The following CSMD1 variants were observed in gnomAD, a reference collection of about 807,000 sequenced individuals.
CSMD1 encodes CUB and Sushi multiple domains 1, also known as CUB and sushi domain-containing protein 1.
Under a neutral mutation model 417.5 loss-of-function variants are expected in CSMD1, and 213 were observed. The ratio of observed to expected loss-of-function variants is 0.51; its 90% CI spans 0.46 to 0.57. The LOEUF (loss-of-function observed/expected upper bound fraction) is 0.57. Among genes scored for constraint, CSMD1 ranks in the 20% least tolerant of loss-of-function variants. The pLI, the probability that CSMD1 is intolerant of heterozygous loss-of-function variation, is 0.00. For missense variants in CSMD1, 6,923 were observed against 4,529.7 expected (o/e 1.53, Z -15.17); for synonymous variants, 2,862 against 1,736.8 (o/e 1.65, Z -16.11).
chr8:4,145,657 G>A (rs1177095464), intron 3 of CSMD1, among the ~76,000 whole-genome samples: 2 of 150,840 alleles, frequency 1.3e-5, no homozygotes, highest in Non-Finnish European at 2.9e-5. Context: ...TCAAAGTGCT[G>A]GGATTACAGC....
At chr8:3,621,799 G>C (rs1025883078) in intron 7 of CSMD1, among the ~76,000 whole-genome samples, 2 of 151,624 alleles carry the variant, frequency 1.3e-5, no homozygotes, top group Non-Finnish European at 2.9e-5. Context: ...TGTAGAAACA[G>C]GGTTTCACCA....
chr8:4,241,180 C>T (rs75298485), intron 3 of CSMD1, among the ~76,000 whole-genome samples: 1 of 152,092 alleles, frequency 6.6e-6, no homozygotes, highest in Non-Finnish European at 1.5e-5. Flanking sequence ...AAATCCTGAT[C>T]GTGAACTCTC....
chr8:3,558,325 G>GCCTC (rs1799265195), intron 10 of CSMD1, among the ~76,000 whole-genome samples: 5 of 113,096 alleles, frequency 4.4e-5, no homozygotes, highest in Non-Finnish European at 6.4e-5. Context: ...AATGATGAAT[G>GCCTC]ATGCCTCAGT....
intron 28 of CSMD1, 83 bp downstream of exon 28, chr8:3,223,646 G>A: frequency 7.2e-7 from 1 of 1,394,554 alleles, no homozygotes; most frequent in South Asian, 1.2e-5. Flanking sequence ...TAACATTAGA[G>A]ACTATGAGGT....
chr8:3,995,016 A>C (rs995623761), intron 5 of CSMD1, among the ~76,000 whole-genome samples: 8 of 152,134 alleles, frequency 5.3e-5, no homozygotes, highest in African/African-American at 9.7e-5. Flanking sequence ...CGCAGCACCC[A>C]CAATGCTCCC....
chr8:4,448,124 T>A (rs146742286), intron 2 of CSMD1, among the ~76,000 whole-genome samples: 1 of 152,234 alleles, frequency 6.6e-6, no homozygotes, highest in Non-Finnish European at 1.5e-5. Context: ...TTCCTAGTTC[T>A]CACTTTTACC....
chr8:3,069,082 A>G (rs1361634821), intron 49 of CSMD1, among the ~76,000 whole-genome samples: 4 of 152,146 alleles, frequency 2.6e-5, no homozygotes, highest in African/African-American at 9.7e-5. Flanking sequence ...CTTCCAAGAT[A>G]CAATGGAGAT....
At chr8:4,578,391 G>A (rs1432969307) in intron 2 of CSMD1, among the ~76,000 whole-genome samples, 1 of 135,764 alleles carries the variant, frequency 7.4e-6, no homozygotes, top group Non-Finnish European at 1.5e-5. Flanking sequence ...GTGTTAGCCA[G>A]GATGTTCTCG....
rs540414982 is a variant in CSMD1 at position 4,002,852 on chromosome 8, T to C, written c.611-4742A>G. On this transcript the variant is annotated intron_variant, in intron 4 of 69. Transcript: ENST00000635120. Reference sequence around the variant, plus strand: ...AATACCTGTTACACAAATTAAAATGTTTGAATGTATTAAATAATGGGTAAC... The same window carrying C: ...AATACCTGTTACACAAATTAAAATGCTTGAATGTATTAAATAATGGGTAAC... 1.1e-3 allele frequency among the ~76,000 whole-genome samples: 161 copies of C among 152,286 alleles called. 2 individuals carry two copies. Among genetic ancestry groups the C allele is most frequent in the East Asian group, 1.7e-3 (9 of 5,184 alleles).
chr8:4,917,735 C>T (rs1289328639), intron 1 of CSMD1, among the ~76,000 whole-genome samples: 2 of 152,138 alleles, frequency 1.3e-5, no homozygotes, highest in Non-Finnish European at 2.9e-5. Context: ...ATGTGACTAT[C>T]CACAAAACAA....
At chr8:4,315,571 A>G (rs1798873333) in intron 3 of CSMD1, among the ~76,000 whole-genome samples, 1 of 152,212 alleles carries the variant, frequency 6.6e-6, no homozygotes, top group African/African-American at 2.4e-5. Context: ...AGGAGAACCA[A>G]TCTTCCATCC....
chr8:3,631,511 A>C (rs1316845031), intron 7 of CSMD1, among the ~76,000 whole-genome samples: 1 of 152,214 alleles, frequency 6.6e-6, no homozygotes, highest in Non-Finnish European at 1.5e-5. Context: ...GGAATAGCTT[A>C]GGGGATTCCA....
intron 7 of CSMD1, among the ~76,000 whole-genome samples, chr8:3,698,013 T>C (rs918186555): frequency 6.6e-6 from 1 of 152,134 alleles, no homozygotes; most frequent in African/African-American, 2.4e-5. Flanking sequence ...CCAATCAGGC[T>C]ATACATTGTT....
At chr8:2,985,437 C>T (rs1805809106) in intron 54 of CSMD1, among the ~76,000 whole-genome samples, 1 of 151,976 alleles carries the variant, frequency 6.6e-6, no homozygotes, top group South Asian at 2.1e-4. Context: ...GATACTGCTA[C>T]ACTGTTTCAC....
intron 1 of CSMD1, among the ~76,000 whole-genome samples, chr8:4,968,378 C>T (rs370406018): frequency 3.3e-5 from 5 of 151,968 alleles, no homozygotes; most frequent in Non-Finnish European, 7.4e-5. Flanking sequence ...TCCTTACCCC[C>T]AACAGAAAAT....
At chr8:4,839,468 T>C (rs1217863155) in intron 1 of CSMD1, among the ~76,000 whole-genome samples, 1 of 152,230 alleles carries the variant, frequency 6.6e-6, no homozygotes, top group African/African-American at 2.4e-5. Context: ...AGAATGACAT[T>C]TGCACTGAAA....
At chr8:3,283,200 G>A (rs867403905) in intron 26 of CSMD1, among the ~76,000 whole-genome samples, 3 of 152,052 alleles carry the variant, frequency 2.0e-5, no homozygotes, top group African/African-American at 7.2e-5. Flanking sequence ...AAAAATTCAC[G>A]GACCGTCCTG....
chr8:4,869,861 TTC>T (rs1464393709), intron 1 of CSMD1, among the ~76,000 whole-genome samples: 1 of 152,084 alleles, frequency 6.6e-6, no homozygotes, highest in Non-Finnish European at 1.5e-5. Context: ...CTTTTTTATA[TTC>T]TCTTTTTTCA....
chr8:4,985,480 G>A (rs766130286), intron 1 of CSMD1, among the ~76,000 whole-genome samples: 2 of 152,148 alleles, frequency 1.3e-5, no homozygotes, highest in Non-Finnish European at 2.9e-5. Context: ...CTTTAGGTGA[G>A]CAAAATTATG....
Sources: allele counts gnomAD v4.1 joint callset (sites outside exome capture counted in the v4.1 genomes callset), GRCh38; gene constraint gnomAD v4.1.1; transcripts MANE v1.5; gene names NCBI Gene and HGNC (gene_info 2026-07-23, HGNC 2026-07-21).